Variants in ZHX3 observed in about 807,000 individuals in gnomAD.
ZHX3 encodes zinc fingers and homeoboxes 3.
Under a neutral mutation model 64.5 loss-of-function variants are expected in ZHX3, and 20 were observed. The ratio of observed to expected loss-of-function variants is 0.31; its 90% CI spans 0.22 to 0.45. The LOEUF (loss-of-function observed/expected upper bound fraction) is 0.45. ZHX3 is among the 20% of genes least tolerant of loss of function. The pLI is 1.00. For missense variants in ZHX3, 1,041 were observed against 1,195.8 expected (o/e 0.87, Z 1.91); for synonymous variants, 423 against 461.6 (o/e 0.92, Z 1.07).
intron 2 of ZHX3, among the ~76,000 whole-genome samples, chr20:41,207,370 C>T (rs1390003367): frequency 6.6e-6 from 1 of 152,154 alleles, no homozygotes; most frequent in Non-Finnish European, 1.5e-5. Flanking sequence ...GAACTCTCCA[C>T]CCCAAATGAA....
chr20:41,264,385 C>A (rs963692235), intron 2 of ZHX3, among the ~76,000 whole-genome samples: 643 of 74,038 alleles, frequency 8.7e-3, no homozygotes, highest in South Asian at 0.011. Flanking sequence ...ACCAAAAATA[C>A]AAAAAAAAAA....
chr20:41,256,868 T>C (rs1167378931), intron 2 of ZHX3, among the ~76,000 whole-genome samples: 3 of 151,932 alleles, frequency 2.0e-5, no homozygotes, highest in Non-Finnish European at 2.9e-5. Flanking sequence ...ATCTGGACTT[T>C]TAGCGTCCAC....
At chr20:41,275,533 G>A (rs1030618449) in intron 1 of ZHX3, among the ~76,000 whole-genome samples, 1 of 152,206 alleles carries the variant, frequency 6.6e-6, no homozygotes, top group Non-Finnish European at 1.5e-5. Context: ...CAGTGATGAC[G>A]AGAACTGGGT....
At chr20:41,276,104 CT>C (rs1416590496) in intron 1 of ZHX3, among the ~76,000 whole-genome samples, 2 of 152,094 alleles carry the variant, frequency 1.3e-5, no homozygotes, top group Non-Finnish European at 2.9e-5. Flanking sequence ...AAGAGGCATC[CT>C]GGGCCCCTCA....
At chr20:41,222,404 TC>T (rs1250800382) in intron 2 of ZHX3, among the ~76,000 whole-genome samples, 2 of 152,290 alleles carry the variant, frequency 1.3e-5, no homozygotes, top group Admixed American at 1.3e-4. Flanking sequence ...AACTAGAAGG[TC>T]CTTTTCCAGG....
intron 1 of ZHX3, among the ~76,000 whole-genome samples, chr20:41,305,248 G>A (rs573965042): frequency 8.5e-5 from 13 of 152,338 alleles, no homozygotes; most frequent in East Asian, 7.7e-4. Flanking sequence ...GGCTGGGAGC[G>A]GTGGTTCATG....
chr20:41,279,315 C>T (rs1291973494), intron 1 of ZHX3, among the ~76,000 whole-genome samples: 1 of 152,088 alleles, frequency 6.6e-6, no homozygotes, highest in Non-Finnish European at 1.5e-5. Flanking sequence ...ATCCTCACCC[C>T]TTATATACTC....
At chr20:41,265,628 C>T (rs903228954) in intron 2 of ZHX3, among the ~76,000 whole-genome samples, 2 of 152,162 alleles carry the variant, frequency 1.3e-5, no homozygotes, top group Non-Finnish European at 2.9e-5. Context: ...GTCCACACCT[C>T]CCCCAAGACA....
At chr20:41,313,862 C>G (rs1284180799) in intron 1 of ZHX3, among the ~76,000 whole-genome samples, 1 of 152,196 alleles carries the variant, frequency 6.6e-6, no homozygotes, top group Non-Finnish European at 1.5e-5. Flanking sequence ...TCCCAAAGTG[C>G]TGGGATTACA....
At chr20:41,221,395 C>T (rs1295421966) in intron 2 of ZHX3, among the ~76,000 whole-genome samples, 1 of 152,076 alleles carries the variant, frequency 6.6e-6, no homozygotes, top group Admixed American at 6.6e-5. Flanking sequence ...CTGCTTGTTT[C>T]AATTTAGGTT....
chr20:41,245,249 G>A (rs2041620608), intron 2 of ZHX3, among the ~76,000 whole-genome samples: 1 of 152,242 alleles, frequency 6.6e-6, no homozygotes, highest in Non-Finnish European at 1.5e-5. Context: ...GTGAGGTTCA[G>A]AGGCATCTTC....
intron 1 of ZHX3, among the ~76,000 whole-genome samples, chr20:41,270,528 T>C (rs1176610494): frequency 2.0e-5 from 3 of 151,722 alleles, no homozygotes; most frequent in Non-Finnish European, 4.4e-5. Flanking sequence ...ACAAAAAAAT[T>C]AGCTGTGTGT....
rs1179312286 is a variant in ZHX3, at chr20:41,180,384, C to G, written c.*4807G>C. ...TCCCCTGTCCTTGTCCATATGGTAA[C>G]CAGGGTCTGCCTAGTCTCATCCCCA... On this transcript the variant is annotated 3_prime_UTR_variant, in exon 4 of 4. Coordinates refer to ENST00000683867, the MANE Select transcript of ZHX3 (RefSeq NM_001384317.1). 6.6e-6 allele frequency: 1 copy of G among 152,350 alleles called. No individual in the cohort carries two copies. Among genetic ancestry groups the G allele is most frequent in the Non-Finnish European group, 1.5e-5 (1 of 68,066 alleles). 9.4% of individuals were successfully genotyped at this position (152,350 alleles called of 1,614,324 possible).
chr20:41,232,019 C>T lies in ZHX3; in HGVS notation c.-150-26953G>A, dbSNP rs1252875968. On this transcript the variant is annotated intron_variant, in intron 2 of 3. Transcript: ENST00000683867. This position sits in a 1 kb window ranked among gnomAD's most constrained non-coding sequence, Gnocchi z 5.0. Reference sequence around the variant, plus strand: ...AACAACCACATTCCGTACCATTAGACGCTGACAGCCCAGACCCCACCAAAA... The same window carrying T: ...AACAACCACATTCCGTACCATTAGATGCTGACAGCCCAGACCCCACCAAAA... 2.0e-5 allele frequency among the ~76,000 whole-genome samples: 3 copies of T among 152,104 alleles called. No individual in the cohort carries two copies. The highest frequency in any genetic ancestry group is 1.3e-4 in the Admixed American group (2 of 15,272).
intron 2 of ZHX3, among the ~76,000 whole-genome samples, chr20:41,255,610 A>G (rs1003088245): frequency 2.0e-5 from 3 of 152,188 alleles, no homozygotes; most frequent in Admixed American, 6.5e-5. Context: ...ATTCATAACC[A>G]TAACCATTTT....
intron 2 of ZHX3, among the ~76,000 whole-genome samples, chr20:41,213,386 A>G (rs2039302126): frequency 6.6e-6 from 1 of 152,130 alleles, no homozygotes; most frequent in Admixed American, 6.6e-5. Flanking sequence ...CAGCATTTAC[A>G]TTTCTAAGGT....
At chr20:41,314,925 G>GA (rs886459707) in intron 1 of ZHX3, among the ~76,000 whole-genome samples, 2 of 151,744 alleles carry the variant, frequency 1.3e-5, no homozygotes, top group Non-Finnish European at 2.9e-5. Context: ...ATATATCGGT[G>GA]AAAAAAAAGT....
chr20:41,239,028 A>C (rs1600467802), intron 2 of ZHX3, among the ~76,000 whole-genome samples: 1 of 94,606 alleles, frequency 1.1e-5, no homozygotes. Flanking sequence ...TGGGAGACGG[A>C]GTCTTGCTCT....
chr20:41,305,792 T>A (rs576334904), intron 1 of ZHX3, among the ~76,000 whole-genome samples: 3 of 151,564 alleles, frequency 2.0e-5, no homozygotes, highest in East Asian at 1.9e-4. Context: ...TCAAAAAAAA[T>A]ATAAATAAAT....
Sources: gnomAD v4.1 joint callset for allele counts (sites outside exome capture counted in the v4.1 genomes callset) on GRCh38, gnomAD v4.1.1 for gene constraint, Gnocchi (gnomAD v3.1) non-coding constraint, MANE v1.5 for transcripts, NCBI Gene and HGNC (gene_info 2026-07-23, HGNC 2026-07-21) for gene names.